Variants in ITCH observed in about 807,000 individuals in gnomAD.
ITCH encodes the protein itchy E3 ubiquitin protein ligase.
ITCH carries 28 observed loss-of-function variants against 126.8 expected under a neutral mutation model. The observed-to-expected ratio is 0.22, with a 90% CI of 0.16 to 0.30. The LOEUF is 0.30. ITCH is among the 10% of genes least tolerant of loss of function. ITCH has a pLI of 1.00. For synonymous variants in ITCH, 342 were observed against 340.0 expected (o/e 1.01, Z -0.06); for missense variants, 631 against 1,032.4 (o/e 0.61, Z 5.33).
In ITCH at chr20:34,467,588, G is replaced by A. The variant is rs149988740; in HGVS notation, c.1425-2460G>A. Among the ~76,000 whole-genome samples the A allele has an allele frequency of 2.5e-3, 380 of 151,210 alleles. 1 individual carries two copies. The highest frequency in any genetic ancestry group is 5.8e-3 in the South Asian group (28 of 4,788). On this transcript the variant is annotated intron_variant, in intron 14 of 24. Transcript: ENST00000374864. Reference sequence around the variant, plus strand: ...AATTCTGGCCTAGATGGTGTCACTGGTAAGGTTCATCAAACTTATAAGTTA... The same window carrying A: ...AATTCTGGCCTAGATGGTGTCACTGATAAGGTTCATCAAACTTATAAGTTA...
chr20:34,470,271 G>T (rs1162517213), intron 15 of ITCH, 151 bp downstream of exon 15: 2 of 752,428 alleles, frequency 2.7e-6, no homozygotes, highest in Non-Finnish European at 4.8e-6. Flanking sequence ...CAAATAAATA[G>T]ATTTATCAAT....
At chr20:34,495,234 C>T (rs530017322) in intron 23 of ITCH, among the ~76,000 whole-genome samples, 4 of 149,662 alleles carry the variant, frequency 2.7e-5, no homozygotes, top group Non-Finnish European at 4.4e-5. Flanking sequence ...CACTACATTC[C>T]AGCCTGGGCG....
At chr20:34,442,120 T>C (rs1983835717) in intron 9 of ITCH, 88 bp from the exon 10 acceptor site, 1 of 892,368 alleles carries the variant, frequency 1.1e-6, no homozygotes, top group Non-Finnish European at 1.9e-6. Context: ...AGTTCAATAA[T>C]GGTCATTTAA....
rs566307366 is a variant in ITCH, at chr20:34,425,021, C to G, written c.521+496C>G. Among the ~76,000 whole-genome samples, 11 of 152,290 alleles carry G rather than the reference C, an allele frequency of 7.2e-5. No homozygotes were observed. The East Asian group carries it at 2.1e-3, about 29-fold the overall frequency. On this transcript the variant is annotated intron_variant, in intron 7 of 24. Transcript: ENST00000374864. ...AAATGTGGGGAAAAGAAAGAAAGAT[C>G]AGTTTGTTACTGTGTCTATGTAGAA...
rs778900012 is a variant in ITCH, at chr20:34,412,480, A to T, written c.213-35A>T. Reference sequence around the variant, plus strand: ...TAGGATCTCATTGTGATATTCAATAAAAATAATATTTTTTCCCTCTTTTTT... The same window carrying T: ...TAGGATCTCATTGTGATATTCAATATAAATAATATTTTTTCCCTCTTTTTT... On this transcript the variant is annotated intron_variant, in intron 4 of 24. Coordinates refer to ENST00000374864, the MANE Select transcript of ITCH (RefSeq NM_031483.7). 4.7e-6 allele frequency: 7 copies of T among 1,486,854 alleles called. No homozygotes were observed. In the South Asian group the frequency reaches 6.9e-5, roughly 15 times the overall value. The allele number at this position is 1,486,854 out of a possible 1,614,324, so 92.1% of individuals were successfully genotyped here. A position where few individuals can be genotyped will look rare whatever the true frequency, so the allele number is the denominator to read the frequency against.
chr20:34,484,587 T>C (rs939265367), intron 20 of ITCH, among the ~76,000 whole-genome samples: 18 of 152,230 alleles, frequency 1.2e-4, no homozygotes, highest in Non-Finnish European at 1.5e-5. Context: ...CTCAATAGTT[T>C]TGTTGCTGGT....
intron 2 of ITCH, among the ~76,000 whole-genome samples, chr20:34,381,097 A>T (rs542999511): frequency 6.6e-6 from 1 of 151,606 alleles, no homozygotes; most frequent in Non-Finnish European, 1.5e-5. Flanking sequence ...TGAAATTTCA[A>T]CTCTTTAGAA....
chr20:34,446,227 A>G (rs1984443756), intron 11 of ITCH, among the ~76,000 whole-genome samples: 1 of 152,192 alleles, frequency 6.6e-6, no homozygotes, highest in Admixed American at 6.5e-5. Flanking sequence ...TTTGTTATAT[A>G]GAACCTAAAC....
intron 16 of ITCH, among the ~76,000 whole-genome samples, chr20:34,473,157 C>A (rs970983065): frequency 1.4e-4 from 21 of 152,084 alleles, no homozygotes; most frequent in Non-Finnish European, 2.6e-4. Context: ...AAACTAATTG[C>A]AAAATTAGCA....
chr20:34,509,289 T>G lies in ITCH; in HGVS notation c.*1495T>G, dbSNP rs1192884291. The G allele has an allele frequency of 6.6e-6, 1 of 152,278 alleles. No individual in the cohort carries two copies. Among genetic ancestry groups the G allele is most frequent in the Non-Finnish European group, 1.5e-5 (1 of 68,032 alleles). 9.4% of individuals were successfully genotyped at this position (152,278 alleles called of 1,614,324 possible). A position where few individuals can be genotyped will look rare whatever the true frequency, so the allele number is the denominator to read the frequency against. On this transcript the variant is annotated 3_prime_UTR_variant, in exon 25 of 25. Transcript: ENST00000374864. Reference sequence around the variant, plus strand: ...GTGGATGAAGCCTAAGCCAGCTGAGTCTCTATCATAGCTGAACCCTGAGGA... The same window carrying G: ...GTGGATGAAGCCTAAGCCAGCTGAGGCTCTATCATAGCTGAACCCTGAGGA...
At chr20:34,376,508 C>T (rs1211915344) in intron 2 of ITCH, among the ~76,000 whole-genome samples, 1 of 151,778 alleles carries the variant, frequency 6.6e-6, no homozygotes, top group African/African-American at 2.4e-5. Flanking sequence ...TCAAAGCAGT[C>T]TAGTACTGAA....
At chr20:34,490,486 C>T (rs758271097) in intron 22 of ITCH, among the ~76,000 whole-genome samples, 7 of 151,948 alleles carry the variant, frequency 4.6e-5, no homozygotes, top group Non-Finnish European at 8.8e-5. Context: ...CTGGCTAACA[C>T]GGTGAAATTA....
chr20:34,371,966 T>G (rs2037647911), intron 2 of ITCH, among the ~76,000 whole-genome samples: 1 of 152,146 alleles, frequency 6.6e-6, no homozygotes, highest in Non-Finnish European at 1.5e-5. Context: ...TGATTTTTCA[T>G]GGCTTTGTTG....
At chr20:34,422,466 T>C (rs1020056384) in intron 6 of ITCH, among the ~76,000 whole-genome samples, 1 of 152,206 alleles carries the variant, frequency 6.6e-6, no homozygotes, top group Admixed American at 6.5e-5. Context: ...TTTTCTGATT[T>C]CATTTATGTC....
At chr20:34,499,280 T>C (rs1437826468) in intron 23 of ITCH, among the ~76,000 whole-genome samples, 2 of 128,192 alleles carry the variant, frequency 1.6e-5, no homozygotes, top group African/African-American at 6.2e-5. Context: ...AGCTTTTTTT[T>C]TTTTTTTTTT....
chr20:34,390,556 C>T (rs1395747253), intron 2 of ITCH, among the ~76,000 whole-genome samples: 19 of 146,386 alleles, frequency 1.3e-4, no homozygotes, highest in Admixed American at 1.1e-3. Flanking sequence ...GTTCAACGAT[C>T]CTCCCGCCTC....
At position 34,449,480 on chromosome 20, in the gene ITCH, G is replaced by A. The variant is rs1422261364; in HGVS notation, c.1210G>A (p.Glu404Lys). ...DPLGPLPPGW[E>K]KRTDSNGRVY... ...TCTTGGTCCATTGCCACCTGGATGG[G>A]GTAAGTCACATGAGTTTCTTCATGG... is the stretch of plus-strand genomic sequence containing the variant. The change falls in exon 12 of 25, where the codon GAG becomes AAG. Residue 404 changes from glutamate (E) to lysine (K), a missense_variant and splice_region_variant. This residue lies in a region of ITCH where 390 missense variants were observed against 731.6 expected (regional missense o/e 0.53). Transcript: ENST00000374864. The A allele has an allele frequency of 6.3e-7, 1 of 1,592,120 alleles. No homozygotes were observed. The highest frequency in any genetic ancestry group is 8.6e-7 in the Non-Finnish European group (1 of 1,160,212).
At chr20:34,445,882 G>T (rs998321710) in intron 11 of ITCH, among the ~76,000 whole-genome samples, 1 of 152,080 alleles carries the variant, frequency 6.6e-6, no homozygotes, top group Admixed American at 6.5e-5. Context: ...TGGAGATAAG[G>T]CTTACCTAAT....
At chr20:34,431,280 G>C (rs1183117543) in intron 7 of ITCH, among the ~76,000 whole-genome samples, 1 of 152,142 alleles carries the variant, frequency 6.6e-6, no homozygotes, top group Non-Finnish European at 1.5e-5. Flanking sequence ...AGGTGAGGTA[G>C]CATGCTCCTG....
Sources: allele counts gnomAD v4.1 joint callset (sites outside exome capture counted in the v4.1 genomes callset), GRCh38; gene constraint gnomAD v4.1.1; regional missense constraint gnomAD v4.1.1; transcripts MANE v1.5; gene names NCBI Gene and HGNC (gene_info 2026-07-23, HGNC 2026-07-21).